Variants in C16orf74 observed in about 807,000 individuals in gnomAD.
The protein encoded by C16orf74 is uncharacterized protein C16orf74.
In C16orf74, 10 loss-of-function variants were observed where a neutral mutation model predicts 6.5. The observed-to-expected ratio is 1.54, with a 90% CI of 0.95 to 2.61. The LOEUF (loss-of-function observed/expected upper bound fraction) is 2.61, where lower values mean the gene tolerates loss of function less well. C16orf74 is among the 30% of genes most tolerant of loss of function. The pLI, the probability that C16orf74 is intolerant of heterozygous loss-of-function variation, is 0.00. For synonymous variants in C16orf74, 60 were observed against 42.5 expected, an observed-to-expected ratio of 1.41 and a Z score of -1.60; for missense variants, 141 against 105.9, an observed-to-expected ratio of 1.33 and a Z score of -1.45.
At chr16:85,708,151 G>T in intron 3 of C16orf74, 85 bp from the exon 4 acceptor site, 1 of 1,171,322 alleles carries the variant, frequency 8.5e-7, no homozygotes, top group Non-Finnish European at 1.2e-6. Context: ...CAGGGCTGGG[G>T]CCTCTGGGAT....
intron 2 of C16orf74, among the ~76,000 whole-genome samples, chr16:85,730,953 T>A (rs536779109): frequency 3.0e-4 from 46 of 151,894 alleles, no homozygotes; most frequent in Non-Finnish European, 6.0e-4. Context: ...TAAAATGATG[T>A]TTGGAATATA....
At position 85,710,270 on chromosome 16, in the gene C16orf74, G is replaced by T; in HGVS notation, c.66C>A (p.His22Gln). Residue 22 changes from histidine to glutamine, a missense_variant, in exon 3 of 4, where the codon CAC becomes CAA. His to Gln is a conservative substitution (Grantham distance 24, BLOSUM62 0). Coordinates refer to ENST00000284245, the MANE Select transcript of C16orf74 (RefSeq NM_206967.3). ...TGTCGTTCAGGACGGGGGCCTCGTC[G>T]TGGCTGCTGCTGCTGCTGCTGACAC... The part of the protein sequence containing the change: ...QMCVSSSSSS[H>Q]DEAPVLNDKH... 1 of 1,516,400 alleles carries T rather than the reference G, an allele frequency of 6.6e-7. No homozygotes were observed. The allele number at this position is 1,516,400 out of a possible 1,614,324, so 93.9% of individuals were successfully genotyped here.
intron 2 of C16orf74, among the ~76,000 whole-genome samples, chr16:85,734,437 A>G (rs1249691667): frequency 1.3e-5 from 2 of 152,138 alleles, no homozygotes; most frequent in East Asian, 3.9e-4. Context: ...TCTGCCTGGA[A>G]GGGGCTGCTG....
chr16:85,714,223 A>G (rs545932064), intron 2 of C16orf74, among the ~76,000 whole-genome samples: 5 of 151,982 alleles, frequency 3.3e-5, no homozygotes, highest in Non-Finnish European at 5.9e-5. Context: ...GTGTGAGGTG[A>G]CCATGATGAG....
At position 85,731,256 on chromosome 16, in the gene C16orf74, G is replaced by C. The variant is rs190761406; in HGVS notation, c.28+3934C>G. 3.5e-3 allele frequency among the ~76,000 whole-genome samples: 530 copies of C among 152,382 alleles called. 7 individuals carry two copies. Among genetic ancestry groups the C allele is most frequent in the African/African-American group, 0.012 (502 of 41,592 alleles). Reference sequence around the variant, plus strand: ...ACCACTGTGTAATTTGTGGGGCTCAGTGGAAAACGAACATGTGAGGCCCAT... The same window carrying C: ...ACCACTGTGTAATTTGTGGGGCTCACTGGAAAACGAACATGTGAGGCCCAT... On this transcript the variant is annotated intron_variant, in intron 2 of 3. Coordinates refer to ENST00000284245, the MANE Select transcript of C16orf74 (RefSeq NM_206967.3).
At chr16:85,727,075 C>T (rs942320588) in intron 2 of C16orf74, among the ~76,000 whole-genome samples, 5 of 152,244 alleles carry the variant, frequency 3.3e-5, no homozygotes, top group Non-Finnish European at 5.9e-5. Flanking sequence ...ACCACACTGC[C>T]TTGTTCATCC....
chr16:85,728,745 C>T (rs1267077793), intron 2 of C16orf74, among the ~76,000 whole-genome samples: 2 of 152,220 alleles, frequency 1.3e-5, no homozygotes, highest in East Asian at 1.9e-4. Context: ...CCCAGGAGAT[C>T]TTCCCAGTCA....
At chr16:85,710,622 C>A in intron 2 of C16orf74, 1 of 307,506 alleles carries the variant, frequency 3.3e-6, no homozygotes, top group Admixed American at 5.6e-5. Context: ...GCCTCATTCC[C>A]GGCCACCAGC....
Position 85,710,195 on chromosome 16 carries a change from G to A in C16orf74, c.141C>T (p.Gly47=). ...TCCCCAAGTCCCTCGGCAGCATCAT[G>A]CCCGTGGGGGTGGGGGGCGTGATGA... ...DIIITPPTPT[G]MMLPRDLGST... is the part of the protein sequence containing the mutation. The change falls in exon 3 of 4, where the codon GGC becomes GGT. Residue 47 remains glycine (G), a synonymous_variant. Transcript: ENST00000284245. The A allele has an allele frequency of 6.7e-7, 1 of 1,487,216 alleles. No individual in the cohort carries two copies. The highest frequency in any genetic ancestry group is 8.8e-7 in the Non-Finnish European group (1 of 1,130,174). 92.1% of individuals were successfully genotyped at this position (1,487,216 alleles called of 1,614,324 possible). A position where few individuals can be genotyped will look rare whatever the true frequency, so the allele number is the denominator to read the frequency against.
intron 1 of C16orf74, among the ~76,000 whole-genome samples, chr16:85,740,730 G>A (rs919238316): frequency 6.7e-6 from 1 of 149,596 alleles, no homozygotes; most frequent in African/African-American, 2.5e-5. Flanking sequence ...CGGGCTTGGT[G>A]GCGGGCATCT....
At chr16:85,730,558 T>G (rs1262306344) in intron 2 of C16orf74, among the ~76,000 whole-genome samples, 1 of 87,164 alleles carries the variant, frequency 1.1e-5, no homozygotes, top group Non-Finnish European at 2.1e-5. Flanking sequence ...AACCCCCACA[T>G]CAGCCAACTG....
intron 2 of C16orf74, among the ~76,000 whole-genome samples, chr16:85,734,751 G>A (rs902127035): frequency 3.9e-5 from 6 of 152,196 alleles, no homozygotes; most frequent in Non-Finnish European, 7.3e-5. Flanking sequence ...ACCCTTCAGT[G>A]GTTTTGTGTC....
intron 3 of C16orf74, 56 bp from the exon 4 acceptor site, chr16:85,708,122 C>A: frequency 1.4e-6 from 2 of 1,447,902 alleles, no homozygotes; most frequent in Admixed American, 4.0e-5. Flanking sequence ...CACACCAAGC[C>A]CCGTTTCCCT....
chr16:85,745,614 C>T (rs1759146042), intron 1 of C16orf74, among the ~76,000 whole-genome samples: 1 of 149,172 alleles, frequency 6.7e-6, no homozygotes, highest in Non-Finnish European at 1.5e-5. Flanking sequence ...ACCCTGCTCA[C>T]TGCCTACCAG....
intron 1 of C16orf74, among the ~76,000 whole-genome samples, chr16:85,745,128 G>C (rs1312709785): frequency 2.2e-5 from 2 of 92,372 alleles, no homozygotes; most frequent in Admixed American, 3.2e-4. Context: ...GCAACAAGAC[G>C]AAACTCTGTC....
At position 85,707,895 on chromosome 16, in the gene C16orf74, G is replaced by A. The variant is rs948088616; in HGVS notation, c.*113C>T. ...TCTCTCTGAGCGGAGGCCCGGGTTC[G>A]CTCAGTTCCCATCCAGGGTATTCAG... is the stretch of plus-strand genomic sequence containing the variant. On this transcript the variant is annotated 3_prime_UTR_variant, in exon 4 of 4. Coordinates refer to ENST00000284245, the MANE Select transcript of C16orf74 (RefSeq NM_206967.3). 2.0e-5 allele frequency: 17 copies of A among 866,104 alleles called. No homozygotes were observed. Among genetic ancestry groups the A allele is most frequent in the African/African-American group, 1.2e-4 (7 of 59,980 alleles). The allele number at this position is 866,104 out of a possible 1,614,324, so 53.7% of individuals were successfully genotyped here.
rs965013386 is a variant in C16orf74, at chr16:85,729,575, C to T, written c.28+5615G>A. ...GGCTGAATAGTGTCCCCCAAATTCA[C>T]ATCAACCCAGAACCTCAGAATATGA... On this transcript the variant is annotated intron_variant, in intron 2 of 3. Coordinates refer to ENST00000284245, the MANE Select transcript of C16orf74 (RefSeq NM_206967.3). Among the ~76,000 whole-genome samples, 10 of 152,346 alleles carry T rather than the reference C, an allele frequency of 6.6e-5. No homozygotes were observed. In the East Asian group the frequency reaches 1.9e-3, roughly 29 times the overall value.
Position 85,730,408 on chromosome 16 carries a change from G to A in C16orf74, c.28+4782C>T, listed in dbSNP as rs536992570. On this transcript the variant is annotated intron_variant, in intron 2 of 3. Coordinates refer to ENST00000284245, the MANE Select transcript of C16orf74 (RefSeq NM_206967.3). ...CAAGATGAGTGCCAAGGTGCCTCCCGGCTCAGAAAGCCTACTTTGGTTCTA... is the reference window on the plus strand; with the variant it reads ...CAAGATGAGTGCCAAGGTGCCTCCCAGCTCAGAAAGCCTACTTTGGTTCTA... 3.2e-4 allele frequency among the ~76,000 whole-genome samples: 48 copies of A among 152,130 alleles called. No homozygotes were observed. In the East Asian group the frequency reaches 7.4e-3, roughly 23 times the overall value.
intron 2 of C16orf74, among the ~76,000 whole-genome samples, chr16:85,724,635 A>AATGACGGGG (rs1266428837): frequency 4.6e-5 from 7 of 152,048 alleles, no homozygotes; most frequent in Non-Finnish European, 1.0e-4. Context: ...GGATGATGGG[A>AATGACGGGG]ATGACGGGGA....
Sources: allele counts gnomAD v4.1 joint callset (sites outside exome capture counted in the v4.1 genomes callset), GRCh38; gene constraint gnomAD v4.1.1; transcripts MANE v1.5; gene names NCBI Gene and HGNC (gene_info 2026-07-23, HGNC 2026-07-21).